CTPS2: variants seen among roughly 807,000 people sequenced by gnomAD.
CTPS2 encodes CTP synthase 2.
In CTPS2, 19 loss-of-function variants were observed where a neutral mutation model predicts 46.8. The observed-to-expected ratio is 0.41, with a 90% CI of 0.28 to 0.60. The LOEUF is 0.60. CTPS2 is among the 20% of genes least tolerant of loss of function. The probability of loss-of-function intolerance (pLI) is 0.35; values close to 1 mark genes in which losing one functional copy is unlikely to be tolerated. For synonymous variants in CTPS2, 151 were observed against 165.2 expected (o/e 0.91, Z 0.66); for missense variants, 286 against 447.6 (o/e 0.64, Z 3.26).
chrX:16,595,349 T>A, intron 17 of CTPS2, among the ~76,000 whole-genome samples: 1 of 111,823 alleles, frequency 8.9e-6, no homozygotes, highest in East Asian at 2.8e-4. Flanking sequence ...TCTCGCTCTG[T>A]CACCCAGGCT....
At chrX:16,668,511 G>A (rs1316680638) in intron 11 of CTPS2, among the ~76,000 whole-genome samples, 2 of 107,907 alleles carry the variant, frequency 1.9e-5, no homozygotes, top group African/African-American at 3.4e-5. Context: ...CGTGAACCTG[G>A]GAGGCAGAGC....
chrX:16,705,056 C>T (rs1233540458), intron 1 of CTPS2, among the ~76,000 whole-genome samples: 1 of 109,840 alleles, frequency 9.1e-6, no homozygotes, highest in African/African-American at 3.3e-5. Context: ...TGTTAATAGT[C>T]AGGGAGGCTG....
At chrX:16,709,165 C>T (rs1269509504) in intron 1 of CTPS2, among the ~76,000 whole-genome samples, 2 of 110,003 alleles carry the variant, frequency 1.8e-5, no homozygotes, top group African/African-American at 6.6e-5. Flanking sequence ...CGGTGGCTCA[C>T]GCCTGTAATC....
intron 1 of CTPS2, chrX:16,711,885 G>A (rs747294670): frequency 1.8e-5 from 2 of 111,211 alleles, no homozygotes; most frequent in South Asian, 3.8e-4. Flanking sequence ...TGGGACCGGG[G>A]AGAGGACAGA....
intron 14 of CTPS2, among the ~76,000 whole-genome samples, chrX:16,621,641 T>C (rs1054580674): frequency 4.8e-4 from 53 of 110,191 alleles, no homozygotes; most frequent in African/African-American, 1.7e-3. Flanking sequence ...ATAACAGTGC[T>C]GGAAGTCATG....
intron 9 of CTPS2, among the ~76,000 whole-genome samples, chrX:16,682,151 G>A (rs1922798524): frequency 8.9e-6 from 1 of 112,290 alleles, no homozygotes; most frequent in Non-Finnish European, 1.9e-5. Flanking sequence ...AATGTGCAAA[G>A]CCTACTTTCA....
At chrX:16,605,319 T>C (rs1469710509) in intron 17 of CTPS2, among the ~76,000 whole-genome samples, 3 of 112,055 alleles carry the variant, frequency 2.7e-5, no homozygotes, top group Non-Finnish European at 3.8e-5. Context: ...CGACGTGACT[T>C]ATCACAGGAG....
chrX:16,598,663 A>C (rs1274277618), intron 17 of CTPS2, among the ~76,000 whole-genome samples: 27 of 111,766 alleles, frequency 2.4e-4, no homozygotes, highest in African/African-American at 5.5e-4. Context: ...TTCTGAAACT[A>C]TTCCAATCAA....
At chrX:16,669,331 G>C (rs779782038) in intron 11 of CTPS2, among the ~76,000 whole-genome samples, 1 of 108,540 alleles carries the variant, frequency 9.2e-6, no homozygotes, top group Non-Finnish European at 1.9e-5. Flanking sequence ...AGATACTTAA[G>C]ATGTACACAG....
chrX:16,646,929 C>T (rs1932346388), intron 13 of CTPS2, among the ~76,000 whole-genome samples: 1 of 112,007 alleles, frequency 8.9e-6, no homozygotes, highest in Non-Finnish European at 1.9e-5. Context: ...TTTCCCATTA[C>T]CACCCTTGTG....
At position 16,606,889 on chromosome X, in the gene CTPS2, G is replaced by A. The variant is rs188115432; in HGVS notation, c.1691+2652C>T. On this transcript the variant is annotated intron_variant, in intron 17 of 18. Transcript: ENST00000359276. ...CGCTCCTCCTGCCTCAGCCTCCCTA[G>A]CAGCAGCGTGTGCCACCACGTCTGG... is the stretch of plus-strand genomic sequence containing the variant. Among the ~76,000 whole-genome samples, 580 of 111,908 alleles carry A rather than the reference G, an allele frequency of 5.2e-3. 6 individuals are homozygous for A. The highest frequency in any genetic ancestry group is 0.018 in the African/African-American group (548 of 30,849).
At chrX:16,605,900 G>C (rs111519708) in intron 17 of CTPS2, among the ~76,000 whole-genome samples, 1,463 of 112,284 alleles carry the variant, frequency 0.013, 18 homozygotes, top group African/African-American at 0.044. Context: ...TGAAGCTATT[G>C]TGCCCTTGAA....
At chrX:16,662,171 G>A (rs913961980) in intron 13 of CTPS2, among the ~76,000 whole-genome samples, 3 of 110,639 alleles carry the variant, frequency 2.7e-5, no homozygotes, top group Admixed American at 1.9e-4. Flanking sequence ...CAACAGCTAC[G>A]CTCTTGGTTA....
At chrX:16,700,711 G>C (rs1030941888) in intron 2 of CTPS2, among the ~76,000 whole-genome samples, 3 of 110,862 alleles carry the variant, frequency 2.7e-5, no homozygotes, top group Non-Finnish European at 5.7e-5. Flanking sequence ...TTACATGGGG[G>C]CTATGAGTCA....
At chrX:16,660,601 C>T (rs1441978497) in intron 13 of CTPS2, among the ~76,000 whole-genome samples, 1 of 110,570 alleles carries the variant, frequency 9.0e-6, no homozygotes, top group African/African-American at 3.3e-5. Context: ...AGGATTTCAC[C>T]AAGTTGGCCA....
intron 17 of CTPS2, among the ~76,000 whole-genome samples, chrX:16,604,892 G>A (rs1276137699): frequency 8.9e-6 from 1 of 112,192 alleles, no homozygotes; most frequent in Non-Finnish European, 1.9e-5. Context: ...GCAAAGAATT[G>A]CAATGATTTA....
At chrX:16,708,450 T>C (rs929664916) in intron 1 of CTPS2, among the ~76,000 whole-genome samples, 7 of 111,492 alleles carry the variant, frequency 6.3e-5, no homozygotes, top group African/African-American at 2.0e-4. Context: ...CTTAAAACAT[T>C]GTCAATCCAA....
intron 13 of CTPS2, chrX:16,650,913 A>T (rs934484992): frequency 1.3e-6 from 1 of 799,114 alleles, no homozygotes; most frequent in Non-Finnish European, 1.8e-6. Flanking sequence ...GAAATGGCCC[A>T]ATGGCACTAA....
intron 8 of CTPS2, among the ~76,000 whole-genome samples, chrX:16,685,641 G>A (rs1054738767): frequency 1.2e-4 from 13 of 107,037 alleles, no homozygotes; most frequent in Non-Finnish European, 1.7e-4. Context: ...GGCGGATTAC[G>A]ATGTCAGGAG....
Sources: gnomAD v4.1 joint callset for allele counts (sites outside exome capture counted in the v4.1 genomes callset) on GRCh38, gnomAD v4.1.1 for gene constraint, MANE v1.5 for transcripts, NCBI Gene and HGNC (gene_info 2026-07-23, HGNC 2026-07-21) for gene names.